The following SLC13A3 variants were observed in gnomAD, a reference collection of about 807,000 sequenced individuals.
The protein encoded by SLC13A3 is solute carrier family 13 member 3, also known as Na(+)/dicarboxylate cotransporter 3.
In SLC13A3, 40 loss-of-function variants were observed where a neutral mutation model predicts 59.0. That is an observed-to-expected ratio of 0.68 (90% CI 0.53 to 0.88). The LOEUF (loss-of-function observed/expected upper bound fraction) is 0.88, where lower values mean the gene tolerates loss of function less well. SLC13A3 is among the 40% of genes least tolerant of loss of function. SLC13A3 has a pLI of 0.00. For missense variants in SLC13A3, 699 were observed against 783.2 expected (o/e 0.89, Z 1.28); for synonymous variants, 317 against 330.3 (o/e 0.96, Z 0.44).
chr20:46,588,884 C>G (rs1205062096), intron 7 of SLC13A3, among the ~76,000 whole-genome samples: 1 of 152,176 alleles, frequency 6.6e-6, no homozygotes, highest in East Asian at 1.9e-4. Flanking sequence ...AGGTATTCTG[C>G]GTACCGGGAG....
At chr20:46,561,222 C>T (rs765424267) in intron 12 of SLC13A3, among the ~76,000 whole-genome samples, 1 of 152,140 alleles carries the variant, frequency 6.6e-6, no homozygotes, top group Non-Finnish European at 1.5e-5. Flanking sequence ...CCCGCCTTTC[C>T]GGACCAAACC....
chr20:46,590,759 A>G lies in SLC13A3; in HGVS notation c.921-1504T>C, dbSNP rs6017934. Among the ~76,000 whole-genome samples the G allele has an allele frequency of 6.0e-4, 92 of 152,332 alleles. 1 individual carries two copies. The highest frequency in any genetic ancestry group is 2.1e-3 in the African/African-American group (88 of 41,584). ...TTTGATAATATCTATTAAAATAAAA[A>G]TGTGTTTATTCTCTGATCCAGAAAT... On this transcript the variant is annotated intron_variant, in intron 6 of 12. Coordinates refer to ENST00000279027, the MANE Select transcript of SLC13A3 (RefSeq NM_022829.6).
At chr20:46,611,099 C>A (rs955842696) in intron 2 of SLC13A3, among the ~76,000 whole-genome samples, 1 of 152,056 alleles carries the variant, frequency 6.6e-6, no homozygotes, top group Non-Finnish European at 1.5e-5. Context: ...AGGATTTTTT[C>A]TCTTTATATT....
At chr20:46,566,879 G>A (rs56914549) in intron 10 of SLC13A3, among the ~76,000 whole-genome samples, 40,383 of 150,680 alleles carry the variant, frequency 0.27, 5,507 homozygotes, top group Middle Eastern at 0.33. Flanking sequence ...TATAAAACAC[G>A]TATCAGATAT....
intron 10 of SLC13A3, among the ~76,000 whole-genome samples, chr20:46,572,483 C>T (rs761323446): frequency 6.6e-6 from 1 of 152,126 alleles, no homozygotes; most frequent in Non-Finnish European, 1.5e-5. Flanking sequence ...AGCCAGTGCT[C>T]CCCACACCAC....
upstream of SLC13A3, among the ~76,000 whole-genome samples, chr20:46,674,595 G>A (rs1285524020): frequency 2.4e-4 from 21 of 88,690 alleles, no homozygotes; most frequent in East Asian, 6.0e-4. Flanking sequence ...GAGTGCGCGC[G>A]CGCGCGCGCG....
chr20:46,569,955 A>G (rs1425094021), intron 10 of SLC13A3, among the ~76,000 whole-genome samples: 1 of 152,244 alleles, frequency 6.6e-6, no homozygotes, highest in Non-Finnish European at 1.5e-5. Flanking sequence ...AATACCCTTG[A>G]AAATCTTTTA....
At chr20:46,645,888 T>C (rs969997070) in intron 1 of SLC13A3, among the ~76,000 whole-genome samples, 7 of 152,202 alleles carry the variant, frequency 4.6e-5, no homozygotes, top group Admixed American at 3.9e-4. Context: ...TAAGTTTTTT[T>C]AAAAGGAGAG....
intron 1 of SLC13A3, among the ~76,000 whole-genome samples, chr20:46,632,333 G>T (rs561645614): frequency 6.6e-6 from 1 of 152,330 alleles, no homozygotes; most frequent in East Asian, 1.9e-4. Context: ...GAAGCATCAT[G>T]GCTCAGGCAC....
At chr20:46,635,420 C>G (rs1393418437) in intron 1 of SLC13A3, among the ~76,000 whole-genome samples, 1 of 152,204 alleles carries the variant, frequency 6.6e-6, no homozygotes, top group African/African-American at 2.4e-5. Context: ...GTTCCCTATG[C>G]CTGGAATGCT....
At position 46,559,345 on chromosome 20, in the gene SLC13A3, CG is replaced by C. The variant is rs1381585988; in HGVS notation, c.*676del. 1 of 152,248 alleles carries C rather than the reference CG, an allele frequency of 6.6e-6. No individual in the cohort carries two copies. The highest frequency in any genetic ancestry group is 1.5e-5 in the Non-Finnish European group (1 of 68,084). 9.4% of individuals were successfully genotyped at this position (152,248 alleles called of 1,614,324 possible). On this transcript the variant is annotated 3_prime_UTR_variant, in exon 13 of 13. Transcript: ENST00000279027. ...ATCTCTTGGGTCGAGATGTCAGCTGCGGTTTCTAGAACTTCCCCTGGTATGC... is the reference window on the plus strand; with the variant it reads ...ATCTCTTGGGTCGAGATGTCAGCTGCGTTTCTAGAACTTCCCCTGGTATGC...
intron 10 of SLC13A3, among the ~76,000 whole-genome samples, chr20:46,571,532 C>T (rs146619621): frequency 8.7e-4 from 133 of 152,214 alleles, no homozygotes; most frequent in African/African-American, 3.1e-3. Context: ...TCAAAGCAGC[C>T]CATCTTGTAG....
intron 3 of SLC13A3, among the ~76,000 whole-genome samples, chr20:46,607,415 C>T (rs2062446656): frequency 6.6e-6 from 1 of 152,166 alleles, no homozygotes; most frequent in South Asian, 2.1e-4. Context: ...CTGGTCAAAG[C>T]TCAGAACTGG....
intron 5 of SLC13A3, among the ~76,000 whole-genome samples, chr20:46,592,879 G>A (rs2062274434): frequency 6.6e-6 from 1 of 152,192 alleles, no homozygotes; most frequent in Non-Finnish European, 1.5e-5. Context: ...GCTTCCCCAT[G>A]GTTGCCATGC....
At chr20:46,606,451 G>A (rs1222132224) in intron 3 of SLC13A3, among the ~76,000 whole-genome samples, 1 of 152,224 alleles carries the variant, frequency 6.6e-6, no homozygotes, top group Non-Finnish European at 1.5e-5. Context: ...GTTGTGAAGG[G>A]TGGCATCCTG....
chr20:46,596,031 A>T, intron 5 of SLC13A3, 126 bp downstream of exon 5: 1 of 824,446 alleles, frequency 1.2e-6, no homozygotes. Context: ...GATTTTGTGC[A>T]TTGCTGTGTT....
intron 1 of SLC13A3, among the ~76,000 whole-genome samples, chr20:46,645,221 G>T (rs756514628): frequency 2.6e-4 from 39 of 152,154 alleles, no homozygotes; most frequent in Non-Finnish European, 4.0e-4. Context: ...TCAGAAAGCC[G>T]CCTGTGGATT....
chr20:46,584,774 T>G (rs981958970), intron 8 of SLC13A3, among the ~76,000 whole-genome samples: 1 of 152,210 alleles, frequency 6.6e-6, no homozygotes, highest in African/African-American at 2.4e-5. Context: ...ATCCTCCTTC[T>G]AGGAATTTAA....
chr20:46,639,933 A>G (rs755282551), intron 1 of SLC13A3, among the ~76,000 whole-genome samples: 4 of 152,146 alleles, frequency 2.6e-5, no homozygotes, highest in Non-Finnish European at 4.4e-5. Context: ...TACCTCGGCC[A>G]CTTCCCAGCT....
Sources: allele counts gnomAD v4.1 joint callset (sites outside exome capture counted in the v4.1 genomes callset), GRCh38; gene constraint gnomAD v4.1.1; transcripts MANE v1.5; gene names NCBI Gene and HGNC (gene_info 2026-07-23, HGNC 2026-07-21).